Variants in NIN observed in about 807,000 individuals in gnomAD.
NIN encodes ninein, also known as glycogen synthase kinase 3 beta-interacting protein.
In NIN, 137 loss-of-function variants were observed where a neutral mutation model predicts 257.6. The ratio of observed to expected loss-of-function variants is 0.53; its 90% CI spans 0.46 to 0.61. The LOEUF (loss-of-function observed/expected upper bound fraction) is 0.61, where lower values mean the gene tolerates loss of function less well. Among genes scored for constraint, NIN ranks in the 20% least tolerant of loss-of-function variants. NIN has a pLI of 0.00. For missense variants in NIN, 2,439 were observed against 2,501.2 expected (o/e 0.98, Z 0.53); for synonymous variants, 918 against 919.8 (o/e 1.00, Z 0.04).
intron 3 of NIN, among the ~76,000 whole-genome samples, chr14:50,821,073 A>G (rs1162261917): frequency 1.3e-5 from 2 of 152,240 alleles, no homozygotes; most frequent in Non-Finnish European, 2.9e-5. Flanking sequence ...TTCTCTCATC[A>G]TTCCAAAATC....
intron 3 of NIN, among the ~76,000 whole-genome samples, chr14:50,808,134 G>T (rs1456506506): frequency 6.6e-6 from 1 of 151,804 alleles, no homozygotes; most frequent in Non-Finnish European, 1.5e-5. Flanking sequence ...GTCTGTCAAG[G>T]AAAACCAGGC....
rs191556093 is a variant in NIN at position 50,720,409 on chromosome 14, C to T, written c.*3054G>A. 9.4e-6 allele frequency: 2 copies of T among 212,854 alleles called. No individual in the cohort carries two copies. The highest frequency in any genetic ancestry group is 1.2e-4 in the Admixed American group (2 of 17,104). 13.2% of individuals were successfully genotyped at this position (212,854 alleles called of 1,614,324 possible). A position where few individuals can be genotyped will look rare whatever the true frequency, so the allele number is the denominator to read the frequency against. On this transcript the variant is annotated 3_prime_UTR_variant, in exon 31 of 31. Transcript: ENST00000530997. ...ATCACAAAATAAAAAATTCATTTCT[C>T]ACATGTTAAAAAAGCAAAGTCTGCC...
chr14:50,777,023 G>A lies in NIN; in HGVS notation c.592C>T (p.Arg198Cys), dbSNP rs1235793555. The stretch of plus-strand genomic sequence containing the variant: ...TTCTTCCGGTTCAGGTGACCATCAC[G>A]GGTGATCCCCAAATCTTCACAAACT... ...QEVCEDLGIT[R>C]DGHLNRKKLV... is the part of the protein sequence containing the mutation. Residue 198 changes from arginine (R) to cysteine (C), a missense_variant, in exon 7 of 31, where the codon CGT (arginine) becomes TGT (cysteine). Arg to Cys is a radical substitution (Grantham distance 180). Transcript: ENST00000530997. 2.3e-5 allele frequency: 37 copies of A among 1,614,058 alleles called. No individual in the cohort carries two copies. The highest frequency in any genetic ancestry group is 2.7e-5 in the Non-Finnish European group (32 of 1,180,044).
chr14:50,785,658 G>A (rs1283235382), intron 5 of NIN, among the ~76,000 whole-genome samples: 1 of 152,230 alleles, frequency 6.6e-6, no homozygotes, highest in Admixed American at 6.5e-5. Flanking sequence ...AGTTTAAGGA[G>A]AGTGCTCATG....
At position 50,739,505 on chromosome 14, in the gene NIN, G is replaced by A. The variant is rs1185126332; in HGVS notation, c.5449-18C>T. On this transcript the variant is annotated intron_variant, in intron 25 of 30. Transcript: ENST00000530997. ...GCCCAGCTCTTAAGAGAATTGCAGA[G>A]TGTAAGCCTTAAAAACAAGCTATTG... 6.2e-7 allele frequency: 1 copy of A among 1,608,752 alleles called. No homozygotes were observed. The highest frequency in any genetic ancestry group is 8.5e-7 in the Non-Finnish European group (1 of 1,177,806).
chr14:50,761,334 G>A (rs2042266943), intron 16 of NIN, among the ~76,000 whole-genome samples: 1 of 152,170 alleles, frequency 6.6e-6, no homozygotes, highest in South Asian at 2.1e-4. Context: ...AGAGGACAGA[G>A]TGTGATGGAC....
chr14:50,798,814 C>G (rs2043955869), intron 4 of NIN, among the ~76,000 whole-genome samples: 1 of 152,234 alleles, frequency 6.6e-6, no homozygotes, highest in Admixed American at 6.5e-5. Context: ...GAGTCTCGCT[C>G]TATTGCCAGG....
At chr14:50,828,861 A>G (rs1210307262) in intron 2 of NIN, among the ~76,000 whole-genome samples, 1 of 152,228 alleles carries the variant, frequency 6.6e-6, no homozygotes, top group Non-Finnish European at 1.5e-5. Context: ...ATCTTTTGAT[A>G]TTAAGGGTCA....
intron 4 of NIN, chr14:50,806,267 G>A (rs1197186515): frequency 6.6e-6 from 1 of 152,342 alleles, no homozygotes; most frequent in Non-Finnish European, 1.5e-5. Context: ...TGGTCCTCAA[G>A]GAATTATCAC....
chr14:50,727,300 A>G (rs1370650600), intron 29 of NIN: 2 of 976,052 alleles, frequency 2.0e-6, no homozygotes, highest in Non-Finnish European at 2.5e-6. Flanking sequence ...CATCTTATAC[A>G]AAACAGTATA....
intron 5 of NIN, among the ~76,000 whole-genome samples, chr14:50,785,405 G>C (rs1595866630): frequency 6.6e-6 from 1 of 152,360 alleles, no homozygotes; most frequent in Admixed American, 6.5e-5. Context: ...GCAGACACCG[G>C]GGCATTCTTA....
At chr14:50,819,960 T>C (rs2045121161) in intron 3 of NIN, among the ~76,000 whole-genome samples, 1 of 152,254 alleles carries the variant, frequency 6.6e-6, no homozygotes, top group South Asian at 2.1e-4. Flanking sequence ...TTTTTTCTTA[T>C]AATTTAAAAT....
intron 18 of NIN, 119 bp from the exon 19 acceptor site, chr14:50,754,986 A>C: frequency 1.6e-6 from 1 of 623,222 alleles, no homozygotes; most frequent in Non-Finnish European, 2.8e-6. Flanking sequence ...GAAAAGTCTA[A>C]ATTAGTAGTC....
At chr14:50,761,042 AC>A (rs1187054557) in intron 16 of NIN, among the ~76,000 whole-genome samples, 1 of 152,194 alleles carries the variant, frequency 6.6e-6, no homozygotes, top group East Asian at 1.9e-4. Flanking sequence ...TCGGAATACA[AC>A]GCTGGGTAAG....
chr14:50,824,914 C>A (rs917856402), intron 2 of NIN, among the ~76,000 whole-genome samples: 2 of 152,230 alleles, frequency 1.3e-5, no homozygotes, highest in African/African-American at 4.8e-5. Context: ...CTGTAACATG[C>A]AGCGCTGTCT....
chr14:50,780,090 G>A (rs1236027655), intron 5 of NIN, among the ~76,000 whole-genome samples: 4 of 152,218 alleles, frequency 2.6e-5, no homozygotes, highest in Non-Finnish European at 5.9e-5. Flanking sequence ...TCCACTGCCC[G>A]GGGATAGTAC....
At chr14:50,732,755 T>C (rs1252488090) in intron 28 of NIN, among the ~76,000 whole-genome samples, 1 of 151,870 alleles carries the variant, frequency 6.6e-6, no homozygotes. Flanking sequence ...TGAGACGGAG[T>C]CTTGCTCTGT....
chr14:50,744,440 G>A, intron 22 of NIN, 75 bp from the exon 23 acceptor site: 1 of 1,477,464 alleles, frequency 6.8e-7, no homozygotes, highest in South Asian at 1.2e-5. Flanking sequence ...TCTAAATAGG[G>A]CATTTTCACA....
At chr14:50,830,211 C>T (rs568802849) in intron 2 of NIN, among the ~76,000 whole-genome samples, 1 of 152,234 alleles carries the variant, frequency 6.6e-6, no homozygotes, top group Non-Finnish European at 1.5e-5. Context: ...AGCCTGCTCT[C>T]GGTCAAAGCA....
Sources: allele counts gnomAD v4.1 joint callset (sites outside exome capture counted in the v4.1 genomes callset), GRCh38; gene constraint gnomAD v4.1.1; transcripts MANE v1.5; gene names NCBI Gene and HGNC (gene_info 2026-07-23, HGNC 2026-07-21).